The following EPB41L5 variants were observed in gnomAD, a reference collection of about 807,000 sequenced individuals.
The protein encoded by EPB41L5 is erythrocyte membrane protein band 4.1 like 5.
Under a neutral mutation model 106.6 loss-of-function variants are expected in EPB41L5, and 55 were observed. The ratio of observed to expected loss-of-function variants is 0.52; its 90% CI spans 0.42 to 0.65. The LOEUF (loss-of-function observed/expected upper bound fraction) is 0.65, where lower values mean the gene tolerates loss of function less well. EPB41L5 is among the 30% of genes least tolerant of loss of function. The pLI, the probability that EPB41L5 is intolerant of heterozygous loss-of-function variation, is 0.00. For synonymous variants in EPB41L5, 297 were observed against 306.7 expected (o/e 0.97, Z 0.33); for missense variants, 871 against 882.1 (o/e 0.99, Z 0.16).
intron 24 of EPB41L5, among the ~76,000 whole-genome samples, chr2:120,169,664 A>C (rs1356255232): frequency 1.3e-5 from 2 of 152,160 alleles, no homozygotes. Flanking sequence ...TTTGTATGGC[A>C]AAGGACCCAC....
chr2:120,151,610 CTTTT>C (rs529496809), intron 20 of EPB41L5, among the ~76,000 whole-genome samples: 4 of 116,816 alleles, frequency 3.4e-5, no homozygotes, highest in Admixed American at 8.2e-5. Context: ...GCGTCTGGCC[CTTTT>C]TTTTTTTTTT....
At chr2:120,136,010 C>A (rs571825585) in intron 18 of EPB41L5, among the ~76,000 whole-genome samples, 85 of 126,770 alleles carry the variant, frequency 6.7e-4, no homozygotes, top group South Asian at 1.9e-3. Context: ...AAAAGACTAT[C>A]AAAAATGTAA....
At chr2:120,141,071 A>G (rs149354216) in intron 18 of EPB41L5, among the ~76,000 whole-genome samples, 4 of 152,230 alleles carry the variant, frequency 2.6e-5, no homozygotes, top group African/African-American at 7.2e-5. Context: ...GTGTTGTAAG[A>G]GCCCATTGTA....
At position 120,074,986 on chromosome 2, in the gene EPB41L5, C is replaced by T. The variant is rs77811798; in HGVS notation, c.408-490C>T. On this transcript the variant is annotated intron_variant, in intron 5 of 24. Coordinates refer to ENST00000263713, the MANE Select transcript of EPB41L5 (RefSeq NM_020909.4). The stretch of plus-strand genomic sequence containing the variant: ...TGGGATTACAGGCACGTGCTCACAC[C>T]CCCAGCCAATTTGCGTATTTTAATA... 5.2e-3 allele frequency among the ~76,000 whole-genome samples: 794 copies of T among 152,172 alleles called. 4 individuals carry two copies. Among genetic ancestry groups the T allele is most frequent in the African/African-American group, 0.018 (764 of 41,508 alleles).
At chr2:120,126,715 A>G (rs1356008117) in intron 16 of EPB41L5, among the ~76,000 whole-genome samples, 1 of 152,164 alleles carries the variant, frequency 6.6e-6, no homozygotes, top group Non-Finnish European at 1.5e-5. Flanking sequence ...AAGTTTTCAA[A>G]TTCAATAGTG....
At chr2:120,086,296 T>C (rs976839888) in intron 10 of EPB41L5, among the ~76,000 whole-genome samples, 2 of 152,230 alleles carry the variant, frequency 1.3e-5, no homozygotes, top group Non-Finnish European at 2.9e-5. Flanking sequence ...ATTTAAAGAT[T>C]AGTCAATCGG....
intron 3 of EPB41L5, 54 bp from the exon 4 acceptor site, chr2:120,073,124 C>T: frequency 6.6e-7 from 1 of 1,510,146 alleles, no homozygotes; most frequent in South Asian, 1.2e-5. Flanking sequence ...GTAATTCATT[C>T]AAATTTTAAA....
intron 1 of EPB41L5, among the ~76,000 whole-genome samples, chr2:120,017,901 A>G (rs1301627741): frequency 6.6e-6 from 1 of 151,800 alleles, no homozygotes; most frequent in East Asian, 1.9e-4. Context: ...GGTTCACGCC[A>G]TTCTCCTGCC....
chr2:120,160,015 TGAG>T (rs1687076124), intron 20 of EPB41L5, among the ~76,000 whole-genome samples: 1 of 152,160 alleles, frequency 6.6e-6, no homozygotes, highest in Admixed American at 6.5e-5. Flanking sequence ...AGCTAAATGA[TGAG>T]AACACGTGGA....
At chr2:120,095,110 G>A (rs893420623) in intron 14 of EPB41L5, among the ~76,000 whole-genome samples, 5 of 152,192 alleles carry the variant, frequency 3.3e-5, no homozygotes, top group East Asian at 3.9e-4. Context: ...GTTTTAATCC[G>A]TTATTGAGAG....
chr2:120,120,530 A>C (rs1389845404), intron 16 of EPB41L5, among the ~76,000 whole-genome samples: 5 of 151,846 alleles, frequency 3.3e-5, no homozygotes, highest in African/African-American at 1.2e-4. Context: ...TGGAACATAC[A>C]CCCTAGGATT....
chr2:120,105,055 G>A (rs923520554), intron 16 of EPB41L5: 2 of 982,930 alleles, frequency 2.0e-6, no homozygotes, highest in Non-Finnish European at 2.4e-6. Flanking sequence ...ACCCAGGTTT[G>A]CAACAGTCTC....
chr2:120,156,824 C>T (rs1686923158), intron 20 of EPB41L5, among the ~76,000 whole-genome samples: 1 of 152,204 alleles, frequency 6.6e-6, no homozygotes, highest in Non-Finnish European at 1.5e-5. Flanking sequence ...GACTTATACT[C>T]CCACACAGTA....
intron 24 of EPB41L5, among the ~76,000 whole-genome samples, chr2:120,174,026 A>G (rs971940948): frequency 1.3e-5 from 2 of 152,174 alleles, no homozygotes; most frequent in African/African-American, 4.8e-5. Context: ...ACTTCCTTGC[A>G]TCTAAACTCA....
At chr2:120,089,451 A>G (rs758639513) in intron 11 of EPB41L5, among the ~76,000 whole-genome samples, 12 of 152,238 alleles carry the variant, frequency 7.9e-5, no homozygotes, top group Non-Finnish European at 1.3e-4. Context: ...TTGCATAATT[A>G]TATATATTTG....
chr2:120,167,171 TA>T (rs897702886), intron 22 of EPB41L5, among the ~76,000 whole-genome samples: 4 of 152,212 alleles, frequency 2.6e-5, no homozygotes, highest in African/African-American at 9.6e-5. Flanking sequence ...GGGTGTGAGG[TA>T]GGGGCAGTCC....
intron 10 of EPB41L5, among the ~76,000 whole-genome samples, chr2:120,083,585 T>G (rs1682841886): frequency 6.6e-6 from 1 of 152,206 alleles, no homozygotes. Context: ...TTCTGCTGAT[T>G]TGGGGTGGAG....
In EPB41L5 at chr2:120,042,121, G is replaced by A; in HGVS notation, c.285+11G>A. The A allele has an allele frequency of 6.2e-7, 1 of 1,604,674 alleles. No individual in the cohort carries two copies. ...TCAGCACAAGTAGCAGTGAGTAACT[G>A]TTTTTTGGAAGTTTTAGCATAAGGA... is the stretch of plus-strand genomic sequence containing the variant. On this transcript the variant is annotated intron_variant, in intron 3 of 24. Transcript: ENST00000263713.
At chr2:120,114,390 A>G (rs1275760168) in intron 16 of EPB41L5, among the ~76,000 whole-genome samples, 1 of 152,210 alleles carries the variant, frequency 6.6e-6, no homozygotes, top group African/African-American at 2.4e-5. Flanking sequence ...GGTACATAAG[A>G]TATTGAACAC....
Sources: gnomAD v4.1 joint callset for allele counts (sites outside exome capture counted in the v4.1 genomes callset) on GRCh38, gnomAD v4.1.1 for gene constraint, MANE v1.5 for transcripts, NCBI Gene and HGNC (gene_info 2026-07-23, HGNC 2026-07-21) for gene names.